Variants in SLC35F3 observed in about 807,000 individuals in gnomAD.
SLC35F3 encodes putative thiamine transporter SLC35F3.
SLC35F3 carries 25 observed loss-of-function variants against 49.9 expected under a neutral mutation model. The ratio of observed to expected loss-of-function variants is 0.50; its 90% CI spans 0.37 to 0.70. SLC35F3 has a LOEUF of 0.70. Among genes scored for constraint, SLC35F3 ranks in the 30% least tolerant of loss-of-function variants. The probability of loss-of-function intolerance (pLI) is 0.00; values close to 1 mark genes in which losing one functional copy is unlikely to be tolerated. For synonymous variants in SLC35F3, 275 were observed against 265.4 expected (o/e 1.04, Z -0.35); for missense variants, 525 against 639.8 (o/e 0.82, Z 1.94).
chr1:234,145,258 G>A (rs1405886583), intron 2 of SLC35F3, among the ~76,000 whole-genome samples: 1 of 152,162 alleles, frequency 6.6e-6, no homozygotes, highest in Non-Finnish European at 1.5e-5. Context: ...CACTTTGGAT[G>A]TCATCCTAGT....
intron 3 of SLC35F3, among the ~76,000 whole-genome samples, chr1:234,305,538 A>G (rs551007110): frequency 3.9e-5 from 6 of 152,088 alleles, no homozygotes; most frequent in Admixed American, 3.3e-4. Context: ...GCGCACCACC[A>G]TGCCTGGCTA....
chr1:234,303,399 T>C (rs1668723395), intron 3 of SLC35F3, among the ~76,000 whole-genome samples: 1 of 152,266 alleles, frequency 6.6e-6, no homozygotes, highest in Admixed American at 6.5e-5. Context: ...GTTCCCGGTC[T>C]GCAGCAGAGC....
intron 2 of SLC35F3, among the ~76,000 whole-genome samples, chr1:234,144,981 T>G (rs1665975754): frequency 6.6e-6 from 1 of 152,218 alleles, no homozygotes; most frequent in Non-Finnish European, 1.5e-5. Flanking sequence ...AATAATCATC[T>G]TCTCCGCAGC....
intron 2 of SLC35F3, among the ~76,000 whole-genome samples, chr1:234,165,690 C>CTTTTT (rs1467073613): frequency 6.6e-6 from 1 of 151,958 alleles, no homozygotes; most frequent in Non-Finnish European, 1.5e-5. Context: ...CTGGCTCATT[C>CTTTTT]TTTTTTCTTT....
chr1:234,010,350 A>G (rs1372502638), intron 2 of SLC35F3, among the ~76,000 whole-genome samples: 1 of 152,218 alleles, frequency 6.6e-6, no homozygotes, highest in Non-Finnish European at 1.5e-5. Context: ...GATGCACAAA[A>G]CATAAATTGA....
intron 2 of SLC35F3, among the ~76,000 whole-genome samples, chr1:233,984,163 C>T (rs966760827): frequency 6.6e-6 from 1 of 152,200 alleles, no homozygotes; most frequent in Non-Finnish European, 1.5e-5. Flanking sequence ...ATTCAAAAAG[C>T]TACTCGGCTC....
At chr1:233,953,933 T>TCATGATAGGTAATAGGCCCATTTCACTTC (rs1424251837) in intron 2 of SLC35F3, among the ~76,000 whole-genome samples, 4 of 151,876 alleles carry the variant, frequency 2.6e-5, no homozygotes, top group African/African-American at 9.7e-5. Context: ...TTCCTGACAA[T>TCATGATAGGTAATAGGCCCATTTCACTTC]CATGATAGGT....
chr1:233,905,489 C>A, intron 1 of SLC35F3, 40 bp from the exon 2 acceptor site: 11 of 1,463,174 alleles, frequency 7.5e-6, no homozygotes, highest in South Asian at 2.4e-5. Flanking sequence ...GTCCATGCTC[C>A]CCCTGCCCAC....
chr1:234,180,467 A>T (rs756139606), intron 2 of SLC35F3, among the ~76,000 whole-genome samples: 5 of 152,178 alleles, frequency 3.3e-5, no homozygotes, highest in African/African-American at 1.2e-4. Context: ...GCTAAGTGAG[A>T]CCTAGCTAGC....
At chr1:234,303,661 G>A (rs544565856) in intron 3 of SLC35F3, among the ~76,000 whole-genome samples, 114 of 152,350 alleles carry the variant, frequency 7.5e-4, no homozygotes, top group Middle Eastern at 3.4e-3. Flanking sequence ...ATGTTAATGC[G>A]TTGTGCCATG....
chr1:234,066,202 GT>G (rs1394713005), intron 2 of SLC35F3, among the ~76,000 whole-genome samples: 1 of 152,160 alleles, frequency 6.6e-6, no homozygotes, highest in Non-Finnish European at 1.5e-5. Flanking sequence ...TAGGACCGTG[GT>G]TTTTTTCTTT....
Position 234,047,650 on chromosome 1 carries a change from G to A in SLC35F3, c.283+141892G>A, listed in dbSNP as rs561140661. Among the ~76,000 whole-genome samples, 72 of 152,136 alleles carry A rather than the reference G, an allele frequency of 4.7e-4. 1 individual carries two copies. Among genetic ancestry groups the A allele is most frequent in the Non-Finnish European group, 7.9e-4 (54 of 68,002 alleles). On this transcript the variant is annotated intron_variant, in intron 2 of 7. Transcript: ENST00000366618. ...GACTTGTCAGCCACTATAATCATGTGAGTCAATTTCTTATAAGAAATCATA... is the reference window on the plus strand; with the variant it reads ...GACTTGTCAGCCACTATAATCATGTAAGTCAATTTCTTATAAGAAATCATA...
intron 2 of SLC35F3, among the ~76,000 whole-genome samples, chr1:234,210,413 G>A (rs1667032050): frequency 1.3e-5 from 2 of 152,208 alleles, no homozygotes; most frequent in Admixed American, 6.5e-5. Flanking sequence ...GGAGGGCTCA[G>A]AAGAAGATAA....
chr1:234,146,528 G>C (rs1666000078), intron 2 of SLC35F3, among the ~76,000 whole-genome samples: 1 of 94,668 alleles, frequency 1.1e-5, no homozygotes, highest in Non-Finnish European at 1.9e-5. Context: ...TTTCGCTCTT[G>C]TTGCCCAGGC....
rs1439918070 is a variant in SLC35F3, at chr1:234,108,268, TA to T, written c.284-123145del. On this transcript the variant is annotated intron_variant, in intron 2 of 7. Coordinates refer to ENST00000366618, the MANE Select transcript of SLC35F3 (RefSeq NM_173508.4). ...TAAAAGATATATATATTTATATATA[TA>T]AAAGATATATATTATTTATATATAA... 2.0e-4 allele frequency among the ~76,000 whole-genome samples: 10 copies of T among 50,448 alleles called. 1 individual carries two copies. The highest frequency in any genetic ancestry group is 1.1e-3 in the South Asian group (2 of 1,788). 33.1% of individuals were successfully genotyped at this position (50,448 alleles called of 152,430 possible).
intron 2 of SLC35F3, among the ~76,000 whole-genome samples, chr1:234,042,812 G>A (rs1454217662): frequency 2.0e-5 from 3 of 152,048 alleles, no homozygotes; most frequent in Admixed American, 6.5e-5. Flanking sequence ...TTTATGAAGT[G>A]TAGTAGGTGC....
At chr1:234,314,619 G>A (rs1464573332) in intron 4 of SLC35F3, among the ~76,000 whole-genome samples, 1 of 152,166 alleles carries the variant, frequency 6.6e-6, no homozygotes, top group Non-Finnish European at 1.5e-5. Context: ...AATTTAGCCA[G>A]GTGTGGTGGC....
At chr1:234,286,508 A>T (rs1466928424) in intron 3 of SLC35F3, among the ~76,000 whole-genome samples, 3 of 152,248 alleles carry the variant, frequency 2.0e-5, no homozygotes, top group African/African-American at 7.2e-5. Flanking sequence ...GATGTAATCC[A>T]GTTATGTAAC....
At chr1:234,269,518 T>C (rs1364838087) in intron 3 of SLC35F3, among the ~76,000 whole-genome samples, 1 of 141,452 alleles carries the variant, frequency 7.1e-6, no homozygotes, top group African/African-American at 2.5e-5. Context: ...CACTCAGGCA[T>C]GCATGCTGCC....
Sources: allele counts gnomAD v4.1 joint callset (sites outside exome capture counted in the v4.1 genomes callset), GRCh38; gene constraint gnomAD v4.1.1; transcripts MANE v1.5; gene names NCBI Gene and HGNC (gene_info 2026-07-23, HGNC 2026-07-21).